Variants in DACH2 observed in about 807,000 individuals in gnomAD.
The protein encoded by DACH2 is dachshund homolog 2.
A neutral mutation model predicts 35.8 loss-of-function variants in DACH2; 17 were observed. The ratio of observed to expected loss-of-function variants is 0.48; its 90% CI spans 0.33 to 0.71. DACH2 has a LOEUF of 0.71. Among genes scored for constraint, DACH2 ranks in the 30% least tolerant of loss-of-function variants. DACH2 has a pLI of 0.02. For synonymous variants in DACH2, 195 were observed against 177.3 expected, an observed-to-expected ratio of 1.10 and a Z score of -0.79; for missense variants, 469 against 472.7, an observed-to-expected ratio of 0.99 and a Z score of 0.07.
chrX:86,801,139 A>T (rs2042289566), intron 7 of DACH2, among the ~76,000 whole-genome samples: 1 of 111,611 alleles, frequency 9.0e-6, no homozygotes, highest in African/African-American at 3.3e-5. Context: ...CAGTATTGAA[A>T]TTATGGTATC....
At chrX:86,203,010 G>T (rs781486890) in intron 1 of DACH2, among the ~76,000 whole-genome samples, 6 of 110,749 alleles carry the variant, frequency 5.4e-5, no homozygotes, top group African/African-American at 2.0e-4. Context: ...TTTCTAGGCT[G>T]CCATTCCAGT....
intron 7 of DACH2, among the ~76,000 whole-genome samples, chrX:86,792,921 C>T (rs1276188821): frequency 3.6e-5 from 4 of 111,436 alleles, no homozygotes; most frequent in Non-Finnish European, 7.6e-5. Flanking sequence ...TATGGTAGTT[C>T]TATTTTTAGT....
intron 5 of DACH2, among the ~76,000 whole-genome samples, chrX:86,700,778 CA>C (rs1420881512): frequency 1.8e-5 from 2 of 110,862 alleles, no homozygotes; most frequent in Non-Finnish European, 3.8e-5. Context: ...TGAAAATATA[CA>C]ACCACCCAAG....
intron 3 of DACH2, among the ~76,000 whole-genome samples, chrX:86,595,397 G>A (rs184772981): frequency 9.0e-6 from 1 of 111,557 alleles, no homozygotes; most frequent in East Asian, 2.8e-4. Context: ...ATAGGAGTGA[G>A]CCACCATGCC....
At chrX:86,297,575 G>C (rs894768783) in intron 1 of DACH2, among the ~76,000 whole-genome samples, 4 of 111,813 alleles carry the variant, frequency 3.6e-5, no homozygotes, top group Non-Finnish European at 7.5e-5. Flanking sequence ...ATTGTATAAG[G>C]CTGTTAAATT....
chrX:86,724,845 G>A (rs1252520351), intron 6 of DACH2, among the ~76,000 whole-genome samples: 5 of 110,516 alleles, frequency 4.5e-5, no homozygotes, highest in Non-Finnish European at 5.7e-5. Context: ...GTTGCTTTAT[G>A]TACTTCAAAA....
chrX:86,587,739 C>T (rs779021002), intron 3 of DACH2, among the ~76,000 whole-genome samples: 2 of 111,486 alleles, frequency 1.8e-5, no homozygotes, highest in South Asian at 7.4e-4. Context: ...TGTTTATTCT[C>T]ATTGATTTAA....
At chrX:86,818,721 C>A (rs934883003) in intron 11 of DACH2, among the ~76,000 whole-genome samples, 1 of 110,394 alleles carries the variant, frequency 9.1e-6, no homozygotes, top group African/African-American at 3.3e-5. Context: ...ATCTCCATCA[C>A]AGGAAATAAT....
In DACH2 at chrX:86,695,125, A is replaced by G; in HGVS notation, c.877A>G (p.Ile293Val). 8.8e-7 allele frequency: 1 copy of G among 1,141,512 alleles called. No individual in the cohort carries two copies. Among genetic ancestry groups the G allele is most frequent in the Non-Finnish European group, 1.2e-6 (1 of 859,336 alleles). 94.1% of individuals were successfully genotyped at this position (1,141,512 alleles called of 1,213,427 possible). The change falls in exon 5 of 12, where the codon ATT becomes GTT. Residue 293 changes from isoleucine to valine, a missense_variant. This residue lies in a region of DACH2 where 363 missense variants were observed against 334.4 expected (regional missense o/e 1.09). Coordinates refer to ENST00000373125, the MANE Select transcript of DACH2 (RefSeq NM_053281.3). ...TGCAGCCCTAGCTGGCCAGCCAGGC[A>G]TTGGGGGTGCTCCAACCCTCAATCC... ...AHAALAGQPG[I>V]GGAPTLNPLQ...
chrX:86,270,650 C>A (rs1057495539), intron 1 of DACH2, among the ~76,000 whole-genome samples: 1 of 112,185 alleles, frequency 8.9e-6, no homozygotes, highest in African/African-American at 3.2e-5. Context: ...GTTATCAAAA[C>A]CTTCCACCCT....
intron 3 of DACH2, among the ~76,000 whole-genome samples, chrX:86,569,553 A>G (rs2039338377): frequency 9.0e-6 from 1 of 111,307 alleles, no homozygotes; most frequent in Non-Finnish European, 1.9e-5. Context: ...TACGTGTCCA[A>G]AATGCGACTT....
intron 3 of DACH2, among the ~76,000 whole-genome samples, chrX:86,535,443 A>C (rs2038784214): frequency 9.0e-6 from 1 of 111,710 alleles, no homozygotes; most frequent in Non-Finnish European, 1.9e-5. Flanking sequence ...AAATCTGAAA[A>C]ACTATTTCAG....
chrX:86,682,506 C>A (rs1160548387), intron 4 of DACH2, among the ~76,000 whole-genome samples: 1 of 111,676 alleles, frequency 9.0e-6, no homozygotes, highest in African/African-American at 3.3e-5. Flanking sequence ...GTGCTTTCAG[C>A]GTTTTTCAGG....
chrX:86,794,270 C>T (rs995996984), intron 7 of DACH2, among the ~76,000 whole-genome samples: 2 of 110,406 alleles, frequency 1.8e-5, no homozygotes, highest in African/African-American at 3.3e-5. Flanking sequence ...GCTTTGAAAG[C>T]GTATGCCACA....
chrX:86,407,236 C>T (rs1330055972), intron 2 of DACH2, among the ~76,000 whole-genome samples: 2 of 111,971 alleles, frequency 1.8e-5, no homozygotes, highest in African/African-American at 3.2e-5. Flanking sequence ...TATATCCCCA[C>T]AACTGCCAGT....
At chrX:86,540,998 T>C (rs969633424) in intron 3 of DACH2, among the ~76,000 whole-genome samples, 4 of 111,574 alleles carry the variant, frequency 3.6e-5, no homozygotes, top group African/African-American at 1.3e-4. Flanking sequence ...GACAGAAATA[T>C]TCATTACCAA....
intron 2 of DACH2, among the ~76,000 whole-genome samples, chrX:86,476,190 A>G (rs1422239997): frequency 1.8e-5 from 2 of 112,088 alleles, no homozygotes; most frequent in Admixed American, 9.5e-5. Context: ...CTGGCCTTGT[A>G]GAATGAGTTT....
Position 86,739,764 on chromosome X carries a change from TCC to T in DACH2, c.1123_1124del (p.Pro375PhefsTer75), listed in dbSNP as rs1335701657. The T allele has an allele frequency of 8.5e-7, 1 of 1,176,495 alleles. No homozygotes were observed. The highest frequency in any genetic ancestry group is 1.1e-6 in the Non-Finnish European group (1 of 877,649). On this transcript the variant is annotated frameshift_variant, in exon 7 of 12. Transcript: ENST00000373125. LOFTEE classifies it high-confidence loss of function. ...SVIKERIPESPSPAPSLEENH... is the reference protein window; with the variant it reads ...SVIKERIPESXSPAPSLEENH... ...TGTGTCAGGAGCGGATCCCAGAGAGTCCTTCTCCTGCTCCTTCTCTAGAAGAG... is the reference window on the plus strand; with the variant it reads ...TGTGTCAGGAGCGGATCCCAGAGAGTTTCTCCTGCTCCTTCTCTAGAAGAG...
chrX:86,255,982 A>G (rs2033511533), intron 1 of DACH2, among the ~76,000 whole-genome samples: 1 of 111,239 alleles, frequency 9.0e-6, no homozygotes, highest in South Asian at 3.7e-4. Context: ...AAACCCCCAC[A>G]TGAAGATTAT....
Sources: gnomAD v4.1 joint callset for allele counts (sites outside exome capture counted in the v4.1 genomes callset) on GRCh38, gnomAD v4.1.1 for gene constraint, gnomAD v4.1.1 regional missense constraint, MANE v1.5 for transcripts, NCBI Gene and HGNC (gene_info 2026-07-23, HGNC 2026-07-21) for gene names.